MARCHF1: variants seen among roughly 807,000 people sequenced by gnomAD.
MARCHF1 encodes the protein E3 ubiquitin-protein ligase MARCHF1.
Under a neutral mutation model 54.2 loss-of-function variants are expected in MARCHF1, and 40 were observed. That is an observed-to-expected ratio of 0.74 (90% CI 0.57 to 0.96). The LOEUF is 0.96. MARCHF1 is among the 40% of genes least tolerant of loss of function. The pLI, the probability that MARCHF1 is intolerant of heterozygous loss-of-function variation, is 0.00. For missense variants in MARCHF1, 586 were observed against 656.5 expected (o/e 0.89, Z 1.17); for synonymous variants, 236 against 236.3 (o/e 1.00, Z 0.01).
At chr4:163,894,203 A>G (rs1750725212) in intron 3 of MARCHF1, among the ~76,000 whole-genome samples, 1 of 152,134 alleles carries the variant, frequency 6.6e-6, no homozygotes, top group African/African-American at 2.4e-5. Context: ...AACTGTAAGA[A>G]GAAAACTTCC....
chr4:164,075,302 G>A (rs569560743), intron 2 of MARCHF1, among the ~76,000 whole-genome samples: 14 of 152,084 alleles, frequency 9.2e-5, no homozygotes, highest in Non-Finnish European at 1.5e-4. Context: ...AGTGACCTCC[G>A]GCTCTAGTTC....
At chr4:163,739,063 A>G in intron 4 of MARCHF1, among the ~76,000 whole-genome samples, 1 of 152,240 alleles carries the variant, frequency 6.6e-6, no homozygotes, top group East Asian at 1.9e-4. Flanking sequence ...GTATTCTGTC[A>G]TGGAAATCAA....
chr4:163,931,390 T>C (rs773796372), intron 3 of MARCHF1, among the ~76,000 whole-genome samples: 2 of 152,104 alleles, frequency 1.3e-5, no homozygotes, highest in South Asian at 2.1e-4. Context: ...GACATTAGTA[T>C]GTGGGGCTTT....
chr4:163,926,316 C>T (rs12650965), intron 3 of MARCHF1, among the ~76,000 whole-genome samples: 12,395 of 151,666 alleles, frequency 0.082, 1,146 homozygotes, highest in African/African-American at 0.22. Flanking sequence ...CACATTTTTG[C>T]AGTCAGTTGG....
intron 5 of MARCHF1, among the ~76,000 whole-genome samples, chr4:163,643,262 A>T (rs962881953): frequency 6.6e-6 from 1 of 151,730 alleles, no homozygotes; most frequent in Non-Finnish European, 1.5e-5. Context: ...TGGGAGGCGG[A>T]GGTTGCAGTG....
chr4:164,227,732 CTA>C (rs1230192930), intron 1 of MARCHF1, among the ~76,000 whole-genome samples: 1 of 151,978 alleles, frequency 6.6e-6, no homozygotes, highest in African/African-American at 2.4e-5. Flanking sequence ...TAAAAAAAAA[CTA>C]TATGTTTACA....
chr4:163,727,021 G>A (rs1745675877), intron 4 of MARCHF1, among the ~76,000 whole-genome samples: 1 of 152,116 alleles, frequency 6.6e-6, no homozygotes, highest in Non-Finnish European at 1.5e-5. Context: ...GTTGTGACCT[G>A]TCTTCTCATT....
At chr4:163,882,755 A>C (rs1295382372) in intron 3 of MARCHF1, among the ~76,000 whole-genome samples, 2 of 152,010 alleles carry the variant, frequency 1.3e-5, no homozygotes, top group East Asian at 1.9e-4. Flanking sequence ...GATTGCTTGA[A>C]CCTAGGAGTT....
At chr4:163,867,919 T>A (rs1042850157) in intron 3 of MARCHF1, among the ~76,000 whole-genome samples, 3 of 150,828 alleles carry the variant, frequency 2.0e-5, no homozygotes. Flanking sequence ...CTCTCACACT[T>A]GTGGACATGC....
intron 4 of MARCHF1, among the ~76,000 whole-genome samples, chr4:163,796,279 T>C (rs572542387): frequency 7.3e-6 from 1 of 137,808 alleles, no homozygotes; most frequent in Non-Finnish European, 1.5e-5. Flanking sequence ...CAGGCTGGAG[T>C]GCAGTGGCAC....
intron 3 of MARCHF1, among the ~76,000 whole-genome samples, chr4:163,907,737 C>A (rs1751100393): frequency 6.6e-6 from 1 of 152,092 alleles, no homozygotes; most frequent in Admixed American, 6.6e-5. Context: ...TGATTCATTT[C>A]TCCTATCTAG....
chr4:164,159,745 C>A (rs1043654689), intron 1 of MARCHF1, among the ~76,000 whole-genome samples: 1 of 151,988 alleles, frequency 6.6e-6, no homozygotes, highest in Non-Finnish European at 1.5e-5. Flanking sequence ...AAGTTATCAG[C>A]GATGGAAAGA....
chr4:164,047,048 T>C (rs1754257606), intron 2 of MARCHF1, among the ~76,000 whole-genome samples: 1 of 152,184 alleles, frequency 6.6e-6, no homozygotes, highest in Admixed American at 6.5e-5. Flanking sequence ...CTTTTATAAG[T>C]GTCATTATGT....
intron 1 of MARCHF1, among the ~76,000 whole-genome samples, chr4:164,302,990 G>A (rs1031126874): frequency 6.6e-6 from 1 of 151,422 alleles, no homozygotes; most frequent in Non-Finnish European, 1.5e-5. Context: ...ATATTTTCAT[G>A]TTTACAATTA....
chr4:164,225,289 G>GT (rs1191929635), intron 1 of MARCHF1, among the ~76,000 whole-genome samples: 1 of 151,892 alleles, frequency 6.6e-6, no homozygotes, highest in Non-Finnish European at 1.5e-5. Flanking sequence ...TTTGCCTAAT[G>GT]TTTTTTATAA....
At chr4:164,259,914 T>A (rs544749631) in intron 1 of MARCHF1, among the ~76,000 whole-genome samples, 30 of 152,288 alleles carry the variant, frequency 2.0e-4, no homozygotes, top group Non-Finnish European at 4.1e-4. Context: ...AGAGAAAAAT[T>A]CTGGTCTAAA....
intron 1 of MARCHF1, among the ~76,000 whole-genome samples, chr4:164,270,003 G>T (rs1733703784): frequency 6.6e-6 from 1 of 152,082 alleles, no homozygotes. Flanking sequence ...AACATATTAT[G>T]CCACCTTTCT....
At chr4:164,044,757 ACTCT>A (rs879547143) in intron 2 of MARCHF1, among the ~76,000 whole-genome samples, 2 of 151,198 alleles carry the variant, frequency 1.3e-5, no homozygotes, top group Admixed American at 6.6e-5. Context: ...GACACTATAG[ACTCT>A]CTAGTCTATA....
chr4:164,141,441 C>A (rs1287386364), intron 1 of MARCHF1, among the ~76,000 whole-genome samples: 4 of 152,168 alleles, frequency 2.6e-5, no homozygotes, highest in African/African-American at 9.7e-5. Context: ...TAGACAATGT[C>A]CCCCCATCAT....
Sources: allele counts gnomAD v4.1 joint callset (sites outside exome capture counted in the v4.1 genomes callset), GRCh38; gene constraint gnomAD v4.1.1; transcripts MANE v1.5; gene names NCBI Gene and HGNC (gene_info 2026-07-23, HGNC 2026-07-21).